Variants in TMEM65 observed in about 807,000 individuals in gnomAD.
The protein encoded by TMEM65 is transmembrane protein 65.
A neutral mutation model predicts 25.4 loss-of-function variants in TMEM65; 22 were observed. That is an observed-to-expected ratio of 0.86 (90% CI 0.62 to 1.23). The LOEUF is 1.23. TMEM65 is among the 50% of genes most tolerant of loss of function. TMEM65 has a pLI of 0.00. For missense variants in TMEM65, 262 were observed against 308.2 expected, an observed-to-expected ratio of 0.85 and a Z score of 1.12; for synonymous variants, 132 against 126.2, an observed-to-expected ratio of 1.05 and a Z score of -0.31.
intron 1 of TMEM65, among the ~76,000 whole-genome samples, chr8:124,359,853 G>A (rs1489770137): frequency 6.6e-6 from 1 of 152,020 alleles, no homozygotes; most frequent in Non-Finnish European, 1.5e-5. Flanking sequence ...CCACACTAAA[G>A]GCTAAAAGAA....
Position 124,337,908 on chromosome 8 carries a change from T to G in TMEM65, c.305-7116A>C, listed in dbSNP as rs1586464118. On this transcript the variant is annotated intron_variant, in intron 1 of 6. Transcript: ENST00000297632. ...GCATATGTTAAAAGGATGAGGATAT[T>G]GAGTTTGTTTTTTATTAAAAGGAAT... Among the ~76,000 whole-genome samples the G allele has an allele frequency of 4.6e-5, 7 of 152,128 alleles. 2 individuals are homozygous for G. The highest frequency in any genetic ancestry group is 4.6e-4 in the Admixed American group (7 of 15,276).
At chr8:124,366,011 A>T (rs942570237) in intron 1 of TMEM65, among the ~76,000 whole-genome samples, 1 of 152,180 alleles carries the variant, frequency 6.6e-6, no homozygotes, top group African/African-American at 2.4e-5. Flanking sequence ...GCTTGAGGTC[A>T]GGAGTTCCAG....
intron 1 of TMEM65, among the ~76,000 whole-genome samples, chr8:124,365,101 C>A (rs1460506378): frequency 1.3e-5 from 2 of 152,128 alleles, no homozygotes; most frequent in Middle Eastern, 6.4e-3. Context: ...AAATTGCTGA[C>A]TTTATATTAC....
chr8:124,368,469 T>C (rs530244845), intron 1 of TMEM65, among the ~76,000 whole-genome samples: 5 of 152,308 alleles, frequency 3.3e-5, no homozygotes, highest in East Asian at 3.9e-4. Flanking sequence ...TCTCCCACAA[T>C]GTGTCAGGAC....
intron 1 of TMEM65, among the ~76,000 whole-genome samples, chr8:124,361,428 T>C (rs1323060197): frequency 7.3e-6 from 1 of 137,716 alleles, no homozygotes; most frequent in Non-Finnish European, 1.5e-5. Context: ...AGAGCGAAAC[T>C]CTGTCTCACG....
At chr8:124,315,773 G>C (rs919075154) in intron 6 of TMEM65, among the ~76,000 whole-genome samples, 49 of 152,140 alleles carry the variant, frequency 3.2e-4, no homozygotes, top group African/African-American at 1.1e-3. Flanking sequence ...AGTCAAAACT[G>C]TTATTTTCGT....
At chr8:124,327,631 T>G (rs1292647940) in intron 2 of TMEM65, among the ~76,000 whole-genome samples, 1 of 151,408 alleles carries the variant, frequency 6.6e-6, no homozygotes, top group Non-Finnish European at 1.5e-5. Context: ...ATAAAACATG[T>G]AAAAATAACT....
At chr8:124,341,973 T>C (rs916331231) in intron 1 of TMEM65, among the ~76,000 whole-genome samples, 13 of 152,060 alleles carry the variant, frequency 8.5e-5, no homozygotes, top group African/African-American at 3.1e-4. Context: ...ATGAGAAGTA[T>C]TGCCAAATAA....
At position 124,323,309 on chromosome 8, in the gene TMEM65, A is replaced by G. The variant is rs1198230805; in HGVS notation, c.472+12T>C. 2 of 1,392,858 alleles carry G rather than the reference A, an allele frequency of 1.4e-6. No homozygotes were observed. The highest frequency in any genetic ancestry group is 2.0e-6 in the Non-Finnish European group (2 of 1,004,648). The allele number at this position is 1,392,858 out of a possible 1,614,324, so 86.3% of individuals were successfully genotyped here. ...GTACAATGAAATAATAACATTTACT[A>G]CTGTTAAATACCTGCCATAGTTGAA... On this transcript the variant is annotated intron_variant, in intron 4 of 6. Transcript: ENST00000297632.
chr8:124,324,440 T>C (rs1048179005), intron 3 of TMEM65, among the ~76,000 whole-genome samples: 5 of 152,028 alleles, frequency 3.3e-5, no homozygotes, highest in African/African-American at 1.2e-4. Context: ...AATGACAAGG[T>C]TGTAAATATA....
chr8:124,306,376 T>C lies in TMEM65; in HGVS notation c.*7584A>G, dbSNP rs1394159357. ...TACCAAATCTGCCTGAAGCAAAATG[T>C]GATAAACTGCAGAAATGGTGGAGAA... is the stretch of plus-strand genomic sequence containing the variant. On this transcript the variant is annotated 3_prime_UTR_variant, in exon 7 of 7. Transcript: ENST00000297632. 6.6e-6 allele frequency: 1 copy of C among 152,154 alleles called. No homozygotes were observed. The highest frequency in any genetic ancestry group is 1.5e-5 in the Non-Finnish European group (1 of 68,026). 9.4% of individuals were successfully genotyped at this position (152,154 alleles called of 1,614,324 possible). A position where few individuals can be genotyped will look rare whatever the true frequency, so the allele number is the denominator to read the frequency against.
At chr8:124,357,178 TCTC>T (rs1222698640) in intron 1 of TMEM65, among the ~76,000 whole-genome samples, 4 of 152,172 alleles carry the variant, frequency 2.6e-5, no homozygotes, top group African/African-American at 7.2e-5. Context: ...CCTGGGATCT[TCTC>T]CTATCACTCT....
At chr8:124,322,663 G>GA (rs914433619) in intron 4 of TMEM65, among the ~76,000 whole-genome samples, 8 of 146,714 alleles carry the variant, frequency 5.5e-5, no homozygotes, top group Non-Finnish European at 7.6e-5. Context: ...CCCAACTCAA[G>GA]AAAAAAAAAA....
chr8:124,357,829 C>CTTTTT (rs35830531), intron 1 of TMEM65, among the ~76,000 whole-genome samples: 46 of 105,820 alleles, frequency 4.3e-4, no homozygotes, highest in African/African-American at 8.1e-4. Context: ...ACTTTTTTAT[C>CTTTTT]TTTTTTTTTT....
chr8:124,315,810 T>A (rs1814230075), intron 6 of TMEM65, among the ~76,000 whole-genome samples: 1 of 152,230 alleles, frequency 6.6e-6, no homozygotes, highest in African/African-American at 2.4e-5. Context: ...AAGGTATCAT[T>A]CATGCAGAGT....
chr8:124,339,191 C>CA lies in TMEM65; in HGVS notation c.305-8400dup, dbSNP rs1168433838. 1.8e-3 allele frequency among the ~76,000 whole-genome samples: 79 copies of CA among 43,558 alleles called. 12 individuals carry two copies. Among genetic ancestry groups the CA allele is most frequent in the Non-Finnish European group, 2.2e-3 (65 of 29,278 alleles). 28.6% of individuals were successfully genotyped at this position (43,558 alleles called of 152,430 possible). Reference sequence around the variant, plus strand: ...TGGGCAACAGAGCAAGACTCTGTCTCAAAAAAAAAAAAAAAAAAAAAAAAA... The same window carrying CA: ...TGGGCAACAGAGCAAGACTCTGTCTCAAAAAAAAAAAAAAAAAAAAAAAAAA... On this transcript the variant is annotated intron_variant, in intron 1 of 6. Transcript: ENST00000297632.
intron 1 of TMEM65, among the ~76,000 whole-genome samples, chr8:124,358,234 C>T (rs1025131700): frequency 6.6e-6 from 1 of 152,184 alleles, no homozygotes; most frequent in African/African-American, 2.4e-5. Flanking sequence ...TTCCTTCTCC[C>T]TCCAAGAGAA....
At chr8:124,330,868 A>G in intron 1 of TMEM65, 76 bp from the exon 2 acceptor site, 2 of 1,341,700 alleles carry the variant, frequency 1.5e-6, no homozygotes. Flanking sequence ...TGAAGAAAAT[A>G]CCAGAAGATT....
At chr8:124,328,008 T>C (rs1242341891) in intron 2 of TMEM65, among the ~76,000 whole-genome samples, 3 of 152,104 alleles carry the variant, frequency 2.0e-5, no homozygotes, top group African/African-American at 7.2e-5. Context: ...CCAAATGCTA[T>C]TGCAAACTAT....
Sources: gnomAD v4.1 joint callset for allele counts (sites outside exome capture counted in the v4.1 genomes callset) on GRCh38, gnomAD v4.1.1 for gene constraint, MANE v1.5 for transcripts, NCBI Gene and HGNC (gene_info 2026-07-23, HGNC 2026-07-21) for gene names.